The following NAP1L4 variants were observed in gnomAD, a reference collection of about 807,000 sequenced individuals.
NAP1L4 encodes nucleosome assembly protein 1-like 4.
A neutral mutation model predicts 58.2 loss-of-function variants in NAP1L4; 15 were observed. The ratio of observed to expected loss-of-function variants is 0.26; its 90% CI spans 0.17 to 0.40. NAP1L4 has a LOEUF of 0.40. NAP1L4 is among the 10% of genes least tolerant of loss of function. The pLI is 1.00. For missense variants in NAP1L4, 384 were observed against 451.1 expected (o/e 0.85, Z 1.35); for synonymous variants, 171 against 155.6 (o/e 1.10, Z -0.74).
At chr11:2,981,610 C>T (rs997978124) in intron 1 of NAP1L4, 9 of 152,260 alleles carry the variant, frequency 5.9e-5, no homozygotes, top group African/African-American at 1.9e-4. Context: ...GGGCGGATCA[C>T]CTGAAGTGGG....
intron 1 of NAP1L4, among the ~76,000 whole-genome samples, chr11:2,987,081 A>G (rs1208568814): frequency 1.3e-5 from 2 of 152,114 alleles, no homozygotes; most frequent in Non-Finnish European, 2.9e-5. Context: ...CAGAAAGGAC[A>G]AAGAAATGAT....
chr11:2,986,195 G>A (rs755655344), intron 1 of NAP1L4, among the ~76,000 whole-genome samples: 11 of 152,054 alleles, frequency 7.2e-5, no homozygotes, highest in Non-Finnish European at 1.3e-4. Context: ...CCAACGTGGT[G>A]AAATTCCATC....
At chr11:2,989,349 T>C (rs1192821936) in intron 1 of NAP1L4, 3 of 152,236 alleles carry the variant, frequency 2.0e-5, no homozygotes, top group Non-Finnish European at 2.9e-5. Context: ...TGCTGTCTTA[T>C]TCAAATATAA....
Position 2,954,441 on chromosome 11 carries a change from G to T in NAP1L4, c.1035+86C>A. The T allele has an allele frequency of 6.3e-7, 1 of 1,586,088 alleles. No individual in the cohort carries two copies. The highest frequency in any genetic ancestry group is 8.7e-7 in the Non-Finnish European group (1 of 1,155,482). ...GATGTAATAAAAAGATTAGGCATGGGGGTTTCCTAAGCCACAATTCAGGGC... is the reference window on the plus strand; with the variant it reads ...GATGTAATAAAAAGATTAGGCATGGTGGTTTCCTAAGCCACAATTCAGGGC... On this transcript the variant is annotated intron_variant, in intron 12 of 15. Transcript: ENST00000380542. The surrounding 1 kb of genome is among the most constrained non-coding windows in gnomAD (Gnocchi z 4.8).
At chr11:2,982,478 C>T (rs957114302) in intron 1 of NAP1L4, among the ~76,000 whole-genome samples, 16 of 152,224 alleles carry the variant, frequency 1.1e-4, no homozygotes, top group Non-Finnish European at 2.2e-4. Flanking sequence ...TCATTTCCAG[C>T]ACCTCCTATA....
intron 1 of NAP1L4, chr11:2,991,953 G>A (rs1405252056): frequency 6.6e-6 from 1 of 152,106 alleles, no homozygotes; most frequent in Non-Finnish European, 1.5e-5. Context: ...GCCGCCCGCG[G>A]CGCAGAACAA....
chr11:2,975,914 T>G, intron 4 of NAP1L4, 110 bp downstream of exon 4: 1 of 956,026 alleles, frequency 1.0e-6, no homozygotes, highest in Non-Finnish European at 1.5e-6. Flanking sequence ...GACAATGTCT[T>G]GGAACGAAAA....
intron 8 of NAP1L4, 116 bp downstream of exon 8, chr11:2,964,564 A>G (rs1847146119): frequency 1.3e-6 from 1 of 784,000 alleles, no homozygotes; most frequent in Non-Finnish European, 2.1e-6. Context: ...AGGGCTGCCC[A>G]GCAGATGAGT....
rs1350201270 is a variant in NAP1L4 at position 2,949,508 on chromosome 11, C to T, written c.1123-244G>A. ...CCTTCCTTGTTTTCTTTTGCTTGCACAGACTCTAACACTGCCCATCTCTCT... is the reference window on the plus strand; with the variant it reads ...CCTTCCTTGTTTTCTTTTGCTTGCATAGACTCTAACACTGCCCATCTCTCT... On this transcript the variant is annotated intron_variant, in intron 14 of 15. Transcript: ENST00000380542. The surrounding 1 kb of genome is among the most constrained non-coding windows in gnomAD (Gnocchi z 4.0). Among the ~76,000 whole-genome samples, 1 of 152,178 alleles carries T rather than the reference C, an allele frequency of 6.6e-6. No homozygotes were observed. The highest frequency in any genetic ancestry group is 1.9e-4 in the East Asian group (1 of 5,196).
In NAP1L4 at chr11:2,976,056, A is replaced by G; in HGVS notation, c.141T>C (p.Asn47=). ...VLAALQERLD[N]VPHTPSSYIE... ...TGTAGCTGGAAGGGGTGTGAGGGACATTGTCAAGTCGCTCCTGTAAAGCTG... is the reference window on the plus strand; with the variant it reads ...TGTAGCTGGAAGGGGTGTGAGGGACGTTGTCAAGTCGCTCCTGTAAAGCTG... Residue 47 remains asparagine, a synonymous_variant, in exon 4 of 16, where the codon AAT becomes AAC. Coordinates refer to ENST00000380542, the MANE Select transcript of NAP1L4 (RefSeq NM_005969.4). 2 of 1,614,078 alleles carry G rather than the reference A, an allele frequency of 1.2e-6. No homozygotes were observed. Among genetic ancestry groups the G allele is most frequent in the Non-Finnish European group, 8.5e-7 (1 of 1,179,982 alleles).
intron 3 of NAP1L4, among the ~76,000 whole-genome samples, chr11:2,976,830 T>C (rs1847990323): frequency 6.6e-6 from 1 of 152,196 alleles, no homozygotes; most frequent in African/African-American, 2.4e-5. Context: ...TTTTACCCAG[T>C]TGTGACTATG....
chr11:2,975,705 T>C (rs1399092668), intron 4 of NAP1L4, among the ~76,000 whole-genome samples: 2 of 151,726 alleles, frequency 1.3e-5, no homozygotes, highest in East Asian at 3.9e-4. Context: ...GAAGGAGTGG[T>C]TCTCTTAGTT....
Position 2,951,875 on chromosome 11 carries a change from G to C in NAP1L4, c.1036-66C>G. ...TGACAGCAGCCTGCCCAAGACACCA[G>C]TCCCATCAAGTGACTCACTGACCAA... On this transcript the variant is annotated intron_variant, in intron 12 of 15. Transcript: ENST00000380542. This position sits in a 1 kb window ranked among gnomAD's most constrained non-coding sequence, Gnocchi z 4.0. 1 of 1,476,620 alleles carries C rather than the reference G, an allele frequency of 6.8e-7. No individual in the cohort carries two copies. Among genetic ancestry groups the C allele is most frequent in the Non-Finnish European group, 9.4e-7 (1 of 1,058,296 alleles). The allele number at this position is 1,476,620 out of a possible 1,614,324, so 91.5% of individuals were successfully genotyped here.
intron 6 of NAP1L4, among the ~76,000 whole-genome samples, chr11:2,970,285 A>T (rs1313122782): frequency 2.0e-5 from 3 of 152,200 alleles, no homozygotes; most frequent in Non-Finnish European, 4.4e-5. Flanking sequence ...CAAAGACTGT[A>T]CATCAACCTT....
At chr11:2,979,624 T>C (rs1034934527) in intron 1 of NAP1L4, among the ~76,000 whole-genome samples, 1 of 151,792 alleles carries the variant, frequency 6.6e-6, no homozygotes, top group South Asian at 2.1e-4. Flanking sequence ...AATACAAAAT[T>C]AGCTGAGCGT....
intron 3 of NAP1L4, 140 bp from the exon 4 acceptor site, chr11:2,976,263 T>C (rs1280211758): frequency 1.7e-6 from 1 of 595,914 alleles, no homozygotes; most frequent in Non-Finnish European, 2.9e-6. Flanking sequence ...CAGTGACTTC[T>C]TAAACATGTT....
rs1210404619 is a variant in NAP1L4, at chr11:2,986,378, AAAAAAAAAAG to A, written c.-18+5866_-18+5875del. ...GACAGAGCCAGACCCTGTCTCAAAAAAAAAAAAAAGAAAAAGAAAGGAAAAAAAAATTGGG... is the reference window on the plus strand; with the variant it reads ...GACAGAGCCAGACCCTGTCTCAAAAAAAAAAGAAAGGAAAAAAAAATTGGG... On this transcript the variant is annotated intron_variant, in intron 1 of 15. Transcript: ENST00000380542. Among the ~76,000 whole-genome samples, 6 of 119,270 alleles carry A rather than the reference AAAAAAAAAAG, an allele frequency of 5.0e-5. No individual in the cohort carries two copies. In the Admixed American group the frequency reaches 6.3e-4, roughly 12 times the overall value. The allele number at this position is 119,270 out of a possible 152,430, so 78.2% of individuals were successfully genotyped here. A position where few individuals can be genotyped will look rare whatever the true frequency, so the allele number is the denominator to read the frequency against.
At chr11:2,947,054 T>C (rs2133888987) in intron 15 of NAP1L4, among the ~76,000 whole-genome samples, 1 of 152,306 alleles carries the variant, frequency 6.6e-6, no homozygotes, top group African/African-American at 2.4e-5. Context: ...TCCATCTTTA[T>C]GTACATTTAA....
rs1004244659 is a variant in NAP1L4, at chr11:2,946,981, G to C, written c.*33-1335C>G. Among the ~76,000 whole-genome samples the C allele has an allele frequency of 1.3e-5, 2 of 152,300 alleles. No homozygotes were observed. Among genetic ancestry groups the C allele is most frequent in the African/African-American group, 4.8e-5 (2 of 41,560 alleles). On this transcript the variant is annotated intron_variant, in intron 15 of 15. Transcript: ENST00000380542. The surrounding 1 kb of genome is among the most constrained non-coding windows in gnomAD (Gnocchi z 4.8). ...CACCAAGGGACTCGCCTAGAAAATG[G>C]GATGTCAGTAAAGGAGCTGTGCAGG...
Sources: allele counts gnomAD v4.1 joint callset (sites outside exome capture counted in the v4.1 genomes callset), GRCh38; gene constraint gnomAD v4.1.1; non-coding constraint Gnocchi (gnomAD v3.1); transcripts MANE v1.5; gene names NCBI Gene and HGNC (gene_info 2026-07-23, HGNC 2026-07-21).